CDH13: variants seen among roughly 807,000 people sequenced by gnomAD.
The protein encoded by CDH13 is cadherin 13, also known as cadherin-13.
Under a neutral mutation model 63.8 loss-of-function variants are expected in CDH13, and 24 were observed. The ratio of observed to expected loss-of-function variants is 0.38; its 90% CI spans 0.27 to 0.53. The LOEUF is 0.53. Ranked by LOEUF, CDH13 falls within the 20% of genes least tolerant of loss-of-function variation. CDH13 has a pLI of 0.85. For synonymous variants in CDH13, 503 were observed against 355.3 expected, an observed-to-expected ratio of 1.42 and a Z score of -4.67; for missense variants, 1,049 against 903.1, an observed-to-expected ratio of 1.16 and a Z score of -2.07.
At chr16:82,682,439 G>A (rs1262031903) in intron 1 of CDH13, among the ~76,000 whole-genome samples, 1 of 152,182 alleles carries the variant, frequency 6.6e-6, no homozygotes, top group Admixed American at 6.5e-5. Flanking sequence ...CTGGCATCTG[G>A]TCAGTATTTC....
intron 1 of CDH13, among the ~76,000 whole-genome samples, chr16:82,803,139 C>T (rs1315207675): frequency 1.3e-5 from 2 of 152,168 alleles, no homozygotes; most frequent in Non-Finnish European, 2.9e-5. Context: ...AGTTTGTTGG[C>T]CAGTTCTTCT....
At chr16:83,083,821 C>T (rs1264140718) in intron 3 of CDH13, among the ~76,000 whole-genome samples, 6 of 152,190 alleles carry the variant, frequency 3.9e-5, no homozygotes, top group Non-Finnish European at 8.8e-5. Context: ...GAGCTAAATA[C>T]AATGAAGGGC....
Position 82,838,321 on chromosome 16 carries a change from C to T in CDH13, c.46-20041C>T, listed in dbSNP as rs4624166. Reference sequence around the variant, plus strand: ...TTTCTGGCAGAAGAACATGCCCGTCCTATTTATTGTGTTATCACTAGTGTC... The same window carrying T: ...TTTCTGGCAGAAGAACATGCCCGTCTTATTTATTGTGTTATCACTAGTGTC... On this transcript the variant is annotated intron_variant, in intron 1 of 13. Transcript: ENST00000567109. Among the ~76,000 whole-genome samples, 895 of 152,246 alleles carry T rather than the reference C, an allele frequency of 5.9e-3. 22 individuals are homozygous for T. The highest frequency in any genetic ancestry group is 0.039 in the East Asian group (204 of 5,180).
chr16:82,909,743 C>T (rs961197042), intron 2 of CDH13, among the ~76,000 whole-genome samples: 2 of 152,122 alleles, frequency 1.3e-5, no homozygotes, highest in African/African-American at 4.8e-5. Flanking sequence ...GTTCCTCCCA[C>T]AACACATGAG....
intron 5 of CDH13, among the ~76,000 whole-genome samples, chr16:83,231,879 T>C (rs2040006506): frequency 6.6e-6 from 1 of 152,178 alleles, no homozygotes; most frequent in Admixed American, 6.5e-5. Context: ...CCCTCCTGAA[T>C]GGTTCAGTGT....
chr16:82,984,987 C>T (rs1283918883), intron 2 of CDH13, among the ~76,000 whole-genome samples: 2 of 152,130 alleles, frequency 1.3e-5, no homozygotes, highest in African/African-American at 4.8e-5. Flanking sequence ...TCTTCATGCC[C>T]TCTCCTTTTT....
At chr16:82,788,852 A>G (rs952640274) in intron 1 of CDH13, among the ~76,000 whole-genome samples, 3 of 152,192 alleles carry the variant, frequency 2.0e-5, no homozygotes, top group African/African-American at 7.2e-5. Context: ...ATTGACATGC[A>G]TGACTCTTAA....
rs533726121 is a variant in CDH13 at position 83,497,928 on chromosome 16, G to A, written c.960+11273G>A. ...GATTATAGGGACAGAAACTAATCAT[G>A]GGTGATGGGTCTGATTTCACATTTT... is the stretch of plus-strand genomic sequence containing the variant. On this transcript the variant is annotated intron_variant, in intron 7 of 13. Coordinates refer to ENST00000567109, the MANE Select transcript of CDH13 (RefSeq NM_001257.5). Among the ~76,000 whole-genome samples the A allele has an allele frequency of 4.5e-4, 68 of 152,298 alleles. No homozygotes were observed. The Middle Eastern group carries it at 0.017, about 38-fold the overall frequency.
At chr16:83,749,333 A>T (rs1912883589) in intron 11 of CDH13, among the ~76,000 whole-genome samples, 1 of 152,186 alleles carries the variant, frequency 6.6e-6, no homozygotes, top group Non-Finnish European at 1.5e-5. Flanking sequence ...TGTGACACAC[A>T]ATAAGTAGAG....
At chr16:83,605,146 T>C (rs1908207967) in intron 8 of CDH13, among the ~76,000 whole-genome samples, 1 of 152,154 alleles carries the variant, frequency 6.6e-6, no homozygotes, top group Admixed American at 6.5e-5. Context: ...AGCACACACA[T>C]TTTCTTCAAA....
chr16:83,085,131 A>C (rs1479962244), intron 3 of CDH13, among the ~76,000 whole-genome samples: 1 of 151,810 alleles, frequency 6.6e-6, no homozygotes, highest in Non-Finnish European at 1.5e-5. Context: ...AAGAGGTTTA[A>C]TTGGACTTAC....
At chr16:83,088,827 A>C (rs1288355918) in intron 3 of CDH13, among the ~76,000 whole-genome samples, 2 of 152,206 alleles carry the variant, frequency 1.3e-5, no homozygotes, top group Non-Finnish European at 2.9e-5. Context: ...AATAAATACT[A>C]ATATGTATTT....
At chr16:83,455,674 C>T (rs7188758) in intron 6 of CDH13, among the ~76,000 whole-genome samples, 1 of 152,226 alleles carries the variant, frequency 6.6e-6, no homozygotes. Context: ...TGCAATTTAT[C>T]CCTCTTCAGA....
At chr16:82,755,749 T>G (rs2034589788) in intron 1 of CDH13, among the ~76,000 whole-genome samples, 2 of 152,224 alleles carry the variant, frequency 1.3e-5, no homozygotes, top group Non-Finnish European at 2.9e-5. Context: ...TAAACTAGAA[T>G]CCGTTGTGGC....
chr16:83,372,507 A>C (rs2091386547), intron 6 of CDH13, among the ~76,000 whole-genome samples: 1 of 152,054 alleles, frequency 6.6e-6, no homozygotes, highest in Non-Finnish European at 1.5e-5. Context: ...TTATCCTAGC[A>C]CTTTGGGAAG....
chr16:83,058,187 C>T (rs2031149381), intron 3 of CDH13, among the ~76,000 whole-genome samples: 1 of 152,004 alleles, frequency 6.6e-6, no homozygotes, highest in African/African-American at 2.4e-5. Flanking sequence ...GGGGTGTGAC[C>T]TTAGCCCCTC....
At chr16:82,640,167 A>T (rs1016226164) in intron 1 of CDH13, among the ~76,000 whole-genome samples, 1 of 152,246 alleles carries the variant, frequency 6.6e-6, no homozygotes, top group African/African-American at 2.4e-5. Context: ...GTAGAGTGAT[A>T]GACAGTGTTG....
At chr16:83,425,416 G>A (rs189090551) in intron 6 of CDH13, among the ~76,000 whole-genome samples, 1 of 152,230 alleles carries the variant, frequency 6.6e-6, no homozygotes, top group Non-Finnish European at 1.5e-5. Flanking sequence ...CCACTTACCT[G>A]CTGCGTTCCC....
At chr16:83,371,289 C>A (rs1447790191) in intron 6 of CDH13, among the ~76,000 whole-genome samples, 1 of 152,206 alleles carries the variant, frequency 6.6e-6, no homozygotes, top group East Asian at 1.9e-4. Flanking sequence ...TTACCCTCTC[C>A]TTCCTGCATC....
Sources: gnomAD v4.1 joint callset for allele counts (sites outside exome capture counted in the v4.1 genomes callset) on GRCh38, gnomAD v4.1.1 for gene constraint, MANE v1.5 for transcripts, NCBI Gene and HGNC (gene_info 2026-07-23, HGNC 2026-07-21) for gene names.